Variants in MAPK1IP1L observed in about 807,000 individuals in gnomAD.
MAPK1IP1L encodes mitogen-activated protein kinase 1 interacting protein 1 like.
Under a neutral mutation model 18.1 loss-of-function variants are expected in MAPK1IP1L, and 10 were observed. The ratio of observed to expected loss-of-function variants is 0.55; its 90% CI spans 0.34 to 0.94. The LOEUF (loss-of-function observed/expected upper bound fraction) is 0.94. Ranked by LOEUF, MAPK1IP1L falls within the 40% of genes least tolerant of loss-of-function variation. The pLI is 0.02. For missense variants in MAPK1IP1L, 260 were observed against 318.2 expected (o/e 0.82, Z 1.39); for synonymous variants, 115 against 117.3 (o/e 0.98, Z 0.13).
Position 55,062,794 on chromosome 14 carries a change from A to T in MAPK1IP1L, c.195A>T (p.Gly65=), listed in dbSNP as rs532978787. 3.4e-5 allele frequency: 55 copies of T among 1,614,114 alleles called. 1 individual carries two copies. In the South Asian group the frequency reaches 4.7e-4, roughly 14 times the overall value. The change falls in exon 3 of 4, where the codon GGA becomes GGT. Residue 65 remains glycine, a synonymous_variant. Transcript: ENST00000395468. The part of the protein sequence containing the change: ...PSATPSTVPF[G]PAPTGMYPSV... Reference sequence around the variant, plus strand: ...CAACACCCTCCACTGTGCCTTTTGGACCAGCACCAACAGGAATGTATCCCT... The same window carrying T: ...CAACACCCTCCACTGTGCCTTTTGGTCCAGCACCAACAGGAATGTATCCCT...
At position 55,064,986 on chromosome 14, in the gene MAPK1IP1L, AATT is replaced by A; in HGVS notation, c.*363_*365del. The A allele has an allele frequency of 5.4e-6, 1 of 186,618 alleles. No individual in the cohort carries two copies. The highest frequency in any genetic ancestry group is 2.1e-3 in the Middle Eastern group (1 of 476). 11.6% of individuals were successfully genotyped at this position (186,618 alleles called of 1,614,324 possible). A position where few individuals can be genotyped will look rare whatever the true frequency, so the allele number is the denominator to read the frequency against. ...GTTAGAATCTGCAACTTCATTGGCA[AATT>A]ATTTCAAGTATTTTTCTATAATCAC... On this transcript the variant is annotated 3_prime_UTR_variant, in exon 4 of 4. Coordinates refer to ENST00000395468, the MANE Select transcript of MAPK1IP1L (RefSeq NM_144578.4).
Position 55,062,852 on chromosome 14 carries a change from C to CCAGCACCCT in MAPK1IP1L, c.254_262dup (p.Pro87_Phe88insSerAlaPro). The CCAGCACCCT allele has an allele frequency of 6.2e-7, 1 of 1,614,174 alleles. No homozygotes were observed. The highest frequency in any genetic ancestry group is 8.5e-7 in the Non-Finnish European group (1 of 1,180,042). On this transcript the variant is annotated inframe_insertion, in exon 3 of 4. Coordinates refer to ENST00000395468, the MANE Select transcript of MAPK1IP1L (RefSeq NM_144578.4). ...TCCCACCGGACCACCTCCAGGACCC[C>CCAGCACCCT]CAGCACCCTTTCCTCCTTCCGGACC... is the stretch of plus-strand genomic sequence containing the variant.
intron 3 of MAPK1IP1L, among the ~76,000 whole-genome samples, chr14:55,063,681 G>C (rs2042838501): frequency 6.6e-6 from 1 of 152,146 alleles, no homozygotes; most frequent in Non-Finnish European, 1.5e-5. Context: ...TCACACCAAA[G>C]TACAGTTCAG....
At position 55,066,263 on chromosome 14, in the gene MAPK1IP1L, A is replaced by G. The variant is rs899544679; in HGVS notation, c.*1636A>G. On this transcript the variant is annotated 3_prime_UTR_variant, in exon 4 of 4. Coordinates refer to ENST00000395468, the MANE Select transcript of MAPK1IP1L (RefSeq NM_144578.4). ...ATAGCTACCTCCTTCTAAGAAAGCA[A>G]AATGGTTACCTTTGAGAGGAACATT... The G allele has an allele frequency of 5.9e-5, 9 of 152,250 alleles. No homozygotes were observed. Among genetic ancestry groups the G allele is most frequent in the African/African-American group, 2.2e-4 (9 of 41,466 alleles). 9.4% of individuals were successfully genotyped at this position (152,250 alleles called of 1,614,324 possible).
At chr14:55,055,730 A>T (rs2042766223) in intron 1 of MAPK1IP1L, among the ~76,000 whole-genome samples, 1 of 152,146 alleles carries the variant, frequency 6.6e-6, no homozygotes. Flanking sequence ...CAGGAGTTTG[A>T]GACCAGCCTG....
Position 55,054,663 on chromosome 14 carries a change from G to A in MAPK1IP1L, c.-5+2860G>A, listed in dbSNP as rs192411959. 2.6e-5 allele frequency among the ~76,000 whole-genome samples: 4 copies of A among 152,164 alleles called. No homozygotes were observed. The East Asian group carries it at 7.7e-4, about 29-fold the overall frequency. ...AGAAGTTTTTTGTCAAAAGATAACC[G>A]TCAAAAGGATTCATGTCCGGGTTTC... On this transcript the variant is annotated intron_variant, in intron 1 of 3. Coordinates refer to ENST00000395468, the MANE Select transcript of MAPK1IP1L (RefSeq NM_144578.4).
At chr14:55,059,225 G>GAAAAAAAAAAAAAAAAAAAAAAAATCTA (rs3078612) in intron 1 of MAPK1IP1L, among the ~76,000 whole-genome samples, 1 of 63,280 alleles carries the variant, frequency 1.6e-5, no homozygotes, top group Non-Finnish European at 3.1e-5. Flanking sequence ...AGGAAAATCT[G>GAAAAAAAAAAAAAAAAAAAAAAAATCTA]AAAAAAAAAA....
chr14:55,067,399 G>A lies in MAPK1IP1L; in HGVS notation c.*2772G>A, dbSNP rs2042871966. The stretch of plus-strand genomic sequence containing the variant: ...AGAAATGGGGAACAGCATCAAGAAA[G>A]GCTTTTTTCCTTTTTTCTTTTTTTT... On this transcript the variant is annotated 3_prime_UTR_variant, in exon 4 of 4. Coordinates refer to ENST00000395468, the MANE Select transcript of MAPK1IP1L (RefSeq NM_144578.4). The A allele has an allele frequency of 6.6e-6, 1 of 151,756 alleles. No individual in the cohort carries two copies. The highest frequency in any genetic ancestry group is 2.4e-5 in the African/African-American group (1 of 41,268). 9.4% of individuals were successfully genotyped at this position (151,756 alleles called of 1,614,324 possible). A position where few individuals can be genotyped will look rare whatever the true frequency, so the allele number is the denominator to read the frequency against.
At chr14:55,053,665 A>T (rs1329848319) in intron 1 of MAPK1IP1L, among the ~76,000 whole-genome samples, 1 of 151,962 alleles carries the variant, frequency 6.6e-6, no homozygotes, top group Non-Finnish European at 1.5e-5. Flanking sequence ...CTATATTCTA[A>T]CCCATCTGAA....
chr14:55,066,974 T>C lies in MAPK1IP1L; in HGVS notation c.*2347T>C, dbSNP rs1043938815. On this transcript the variant is annotated 3_prime_UTR_variant, in exon 4 of 4. Coordinates refer to ENST00000395468, the MANE Select transcript of MAPK1IP1L (RefSeq NM_144578.4). ...GTGCAGTGGTGCTATCTTGGTTCAC[T>C]GCAAGCTCCATCTCCCAGGTTCACA... is the stretch of plus-strand genomic sequence containing the variant. 1.3e-5 allele frequency: 2 copies of C among 151,770 alleles called. No homozygotes were observed. Among genetic ancestry groups the C allele is most frequent in the Non-Finnish European group, 2.9e-5 (2 of 68,022 alleles). The allele number at this position is 151,770 out of a possible 1,614,324, so 9.4% of individuals were successfully genotyped here. A position where few individuals can be genotyped will look rare whatever the true frequency, so the allele number is the denominator to read the frequency against.
At chr14:55,056,003 T>G (rs2042768567) in intron 1 of MAPK1IP1L, among the ~76,000 whole-genome samples, 1 of 152,178 alleles carries the variant, frequency 6.6e-6, no homozygotes, top group Non-Finnish European at 1.5e-5. Context: ...CCTTAGGTAA[T>G]TAAAACCACA....
At position 55,063,143 on chromosome 14, in the gene MAPK1IP1L, G is replaced by A. The variant is rs781642160; in HGVS notation, c.544G>A (p.Ala182Thr). 1.9e-6 allele frequency: 3 copies of A among 1,613,776 alleles called. No individual in the cohort carries two copies. Among genetic ancestry groups the A allele is most frequent in the Non-Finnish European group, 2.5e-6 (3 of 1,180,020 alleles). The part of the protein sequence containing the change: ...GPYPAPPPPQ[A>T]PGAAPPVPWG... ...ATATCCCGCTCCTCCTCCTCCCCAAGCCCCTGGGGCAGCACCACCTGTTCC... is the reference window on the plus strand; with the variant it reads ...ATATCCCGCTCCTCCTCCTCCCCAAACCCCTGGGGCAGCACCACCTGTTCC... The change falls in exon 3 of 4, where the codon GCC becomes ACC. Residue 182 changes from alanine to threonine, a missense_variant. By Grantham distance (58) the Ala-to-Thr change is moderately conservative. Transcript: ENST00000395468.
At chr14:55,055,380 C>T (rs893298475) in intron 1 of MAPK1IP1L, among the ~76,000 whole-genome samples, 2 of 152,168 alleles carry the variant, frequency 1.3e-5, no homozygotes, top group Non-Finnish European at 2.9e-5. Context: ...CTCCAAAGAA[C>T]AAATTGGAAT....
rs151215732 is a variant in MAPK1IP1L, at chr14:55,057,746, C to T, written c.-4-3934C>T. ...ACTCCAGTCTGGCGACAGAGCGAGA[C>T]TCCATCTCAAAAAAAAAAAAAAATT... On this transcript the variant is annotated intron_variant, in intron 1 of 3. Coordinates refer to ENST00000395468, the MANE Select transcript of MAPK1IP1L (RefSeq NM_144578.4). 7.2e-4 allele frequency among the ~76,000 whole-genome samples: 107 copies of T among 149,474 alleles called. No homozygotes were observed. In the East Asian group the frequency reaches 0.017, roughly 24 times the overall value.
rs1315758000 is a variant in MAPK1IP1L at position 55,064,788 on chromosome 14, G to A, written c.*161G>A. On this transcript the variant is annotated 3_prime_UTR_variant, in exon 4 of 4. Transcript: ENST00000395468. Reference sequence around the variant, plus strand: ...ATAACTGCCTCTTGTACTTGGATGCGTAGTACATCATATGTATACAATCAG... The same window carrying A: ...ATAACTGCCTCTTGTACTTGGATGCATAGTACATCATATGTATACAATCAG... 13 of 602,126 alleles carry A rather than the reference G, an allele frequency of 2.2e-5. No homozygotes were observed. Among genetic ancestry groups the A allele is most frequent in the South Asian group, 4.6e-5 (2 of 43,458 alleles). The allele number at this position is 602,126 out of a possible 1,614,324, so 37.3% of individuals were successfully genotyped here. A position where few individuals can be genotyped will look rare whatever the true frequency, so the allele number is the denominator to read the frequency against.
Position 55,051,682 on chromosome 14 carries a change from G to T in MAPK1IP1L, c.-126G>T. On this transcript the variant is annotated 5_prime_UTR_variant, in exon 1 of 4. Transcript: ENST00000395468. ...CCGGCGCCAGGAGGAGCCGCGCGCT[G>T]CTGGTGCTGTTGCCGCCGCTGCTCT... 1 of 516,092 alleles carries T rather than the reference G, an allele frequency of 1.9e-6. No homozygotes were observed. Among genetic ancestry groups the T allele is most frequent in the Non-Finnish European group, 3.9e-6 (1 of 259,442 alleles). The allele number at this position is 516,092 out of a possible 1,614,324, so 32.0% of individuals were successfully genotyped here.
chr14:55,052,045 G>C (rs945353937), intron 1 of MAPK1IP1L, among the ~76,000 whole-genome samples: 4 of 152,110 alleles, frequency 2.6e-5, no homozygotes, highest in African/African-American at 9.7e-5. Flanking sequence ...GGAGGCCGCT[G>C]ACGTCGCGCC....
At chr14:55,063,685 A>G (rs1482801922) in intron 3 of MAPK1IP1L, among the ~76,000 whole-genome samples, 1 of 152,166 alleles carries the variant, frequency 6.6e-6, no homozygotes, top group Non-Finnish European at 1.5e-5. Flanking sequence ...ACCAAAGTAC[A>G]GTTCAGTAAA....
intron 2 of MAPK1IP1L, among the ~76,000 whole-genome samples, 171 bp from the exon 3 acceptor site, chr14:55,062,447 C>T (rs143798868): frequency 1.2e-4 from 19 of 152,294 alleles, no homozygotes; most frequent in African/African-American, 4.3e-4. Context: ...AAAGTAGCAT[C>T]TCAAGGTTTA....
Sources: allele counts gnomAD v4.1 joint callset (sites outside exome capture counted in the v4.1 genomes callset), GRCh38; gene constraint gnomAD v4.1.1; transcripts MANE v1.5; gene names NCBI Gene and HGNC (gene_info 2026-07-23, HGNC 2026-07-21).